ITGA7: variants seen among roughly 807,000 people sequenced by gnomAD.
ITGA7 encodes the protein integrin subunit alpha 7.
Under a neutral mutation model 131.6 loss-of-function variants are expected in ITGA7, and 84 were observed. The ratio of observed to expected loss-of-function variants is 0.64; its 90% confidence interval spans 0.54 to 0.77. The LOEUF is 0.77. Among genes scored for constraint, ITGA7 ranks in the 30% least tolerant of loss-of-function variants. The probability of loss-of-function intolerance (pLI) is 0.00; values close to 1 mark genes in which losing one functional copy is unlikely to be tolerated. For synonymous variants in ITGA7, 548 were observed against 600.7 expected, an observed-to-expected ratio of 0.91 and a Z score of 1.28; for missense variants, 1,399 against 1,482.9, an observed-to-expected ratio of 0.94 and a Z score of 0.93.
upstream of ITGA7, chr12:55,712,352 CT>C: frequency 1.1e-6 from 1 of 930,414 alleles, no homozygotes. Context: ...CACCAACCCC[CT>C]CTCTTGAAGC....
At chr12:55,702,824 C>T in intron 3 of ITGA7, 48 bp downstream of exon 3, 1 of 1,512,160 alleles carries the variant, frequency 6.6e-7, no homozygotes, top group Non-Finnish European at 9.2e-7. Flanking sequence ...TAAACACACA[C>T]ACACACACAC....
Position 55,693,079 on chromosome 12 carries a change from C to A in ITGA7, c.2712+62G>T, listed in dbSNP as rs564381002. Reference sequence around the variant, plus strand: ...TCCTCCTGCCCCATCACTGCACTCACTACCCTTACTCCCCATAACATCTGT... The same window carrying A: ...TCCTCCTGCCCCATCACTGCACTCAATACCCTTACTCCCCATAACATCTGT... On this transcript the variant is annotated intron_variant, in intron 20 of 24. Coordinates refer to ENST00000257879, the MANE Select transcript of ITGA7 (RefSeq NM_002206.3). 24 of 1,610,924 alleles carry A rather than the reference C, an allele frequency of 1.5e-5. No homozygotes were observed. In the African/African-American group the frequency reaches 2.9e-4, roughly 20 times the overall value.
intron 14 of ITGA7, 89 bp downstream of exon 14, chr12:55,695,433 T>A: frequency 1.1e-6 from 1 of 937,934 alleles, no homozygotes; most frequent in Non-Finnish European, 1.7e-6. Context: ...GGCTCAGCCC[T>A]TCCCTCTGAC....
At chr12:55,707,984 G>T, upstream of ITGA7, 1 of 1,280,258 alleles carries the variant, frequency 7.8e-7, no homozygotes, top group Non-Finnish European at 9.9e-7. Context: ...GGCAGGTGGA[G>T]ACCCAAGCCC....
At chr12:55,689,009 G>T in intron 21 of ITGA7, 52 bp from the exon 22 acceptor site, 2 of 1,371,816 alleles carry the variant, frequency 1.5e-6, no homozygotes, top group Non-Finnish European at 2.1e-6. Flanking sequence ...ACCCTGCTGA[G>T]ACTGCCATCT....
Position 55,700,908 on chromosome 12 carries a change from T to G in ITGA7, c.661A>C (p.Asn221His). Residue 221 changes from asparagine to histidine, a missense_variant, in exon 4 of 25, where the codon AAT (asparagine) becomes CAT (histidine). Transcript: ENST00000257879. ...CCGAGGAGTGACTCACCCTTCCAAT[T>G]ATAGGTTCCTGGGGCCCCAAAGAGG... ...YLLFGAPGTY[N>H]WKGLLFVTNI... 6.2e-7 allele frequency: 1 copy of G among 1,613,976 alleles called. No individual in the cohort carries two copies. The highest frequency in any genetic ancestry group is 1.1e-5 in the South Asian group (1 of 91,082).
chr12:55,688,767 A>G, intron 22 of ITGA7, 77 bp downstream of exon 22: 1 of 1,054,632 alleles, frequency 9.5e-7, no homozygotes, highest in East Asian at 2.4e-5. Context: ...GACAGTGAGG[A>G]AGGAGGAGGA....
chr12:55,712,176 G>A, upstream of ITGA7: 2 of 1,551,348 alleles, frequency 1.3e-6, no homozygotes, highest in South Asian at 1.2e-5. Flanking sequence ...GGAATTCAGT[G>A]GGGAAACAGC....
At position 55,696,391 on chromosome 12, in the gene ITGA7, C is replaced by T. The variant is rs1872631414; in HGVS notation, c.1779G>A (p.Leu593=). ...GCCGAGGGGTCTGGAGACTGTAGGA[C>T]AAGGTCACTACAATGGCCCGAAGCT... ...KDKLRAIVVT[L]SYSLQTPRLR... Residue 593 remains leucine, a synonymous_variant, in exon 13 of 25, where the codon TTG becomes TTA. Coordinates refer to ENST00000257879, the MANE Select transcript of ITGA7 (RefSeq NM_002206.3). 6.2e-7 allele frequency: 1 copy of T among 1,600,580 alleles called. No individual in the cohort carries two copies. The highest frequency in any genetic ancestry group is 1.3e-5 in the African/African-American group (1 of 74,898).
At chr12:55,693,366 T>TC in intron 19 of ITGA7, 49 bp from the exon 20 acceptor site, 1 of 1,521,250 alleles carries the variant, frequency 6.6e-7, no homozygotes, top group Non-Finnish European at 9.0e-7. Flanking sequence ...TTTTCTTTTT[T>TC]TTTTTTTTTT....
rs1267541671 is a variant in ITGA7, at chr12:55,684,741, G to C, written c.*317C>G. ...GCACTTCCGGGGAGGCAGGTCCTTG[G>C]GGTCCTGTTACACAGGGTGAATGGG... On this transcript the variant is annotated 3_prime_UTR_variant, in exon 25 of 25. Coordinates refer to ENST00000257879, the MANE Select transcript of ITGA7 (RefSeq NM_002206.3). 2 of 348,500 alleles carry C rather than the reference G, an allele frequency of 5.7e-6. No individual in the cohort carries two copies. The highest frequency in any genetic ancestry group is 1.0e-5 in the Non-Finnish European group (2 of 191,884). 21.6% of individuals were successfully genotyped at this position (348,500 alleles called of 1,614,324 possible). A position where few individuals can be genotyped will look rare whatever the true frequency, so the allele number is the denominator to read the frequency against.
chr12:55,698,472 ATCCCAGCCCAGTG>A lies in ITGA7; in HGVS notation c.1090_1102del (p.His364SerfsTer138), dbSNP rs1873153845. ...GGAGCCGCAGAGCCGGAGAGGGGAG[ATCCCAGCCCAGTG>A]ACCCCCCTGGTTCAAGTACACATAC... On this transcript the variant is annotated frameshift_variant, in exon 7 of 25. Coordinates refer to ENST00000257879, the MANE Select transcript of ITGA7 (RefSeq NM_002206.3). LOFTEE classifies it high-confidence loss of function. 1 of 1,613,538 alleles carries A rather than the reference ATCCCAGCCCAGTG, an allele frequency of 6.2e-7. No homozygotes were observed. Among genetic ancestry groups the A allele is most frequent in the Admixed American group, 1.7e-5 (1 of 59,970 alleles).
upstream of ITGA7, among the ~76,000 whole-genome samples, chr12:55,708,918 G>T (rs60169753): frequency 0.1 from 15,779 of 152,170 alleles, 1,439 homozygotes; most frequent in African/African-American, 0.24. Flanking sequence ...TGGGACAGAG[G>T]CAAGGGGGTG....
chr12:55,694,638 TC>T lies in ITGA7; in HGVS notation c.2253del (p.Asn752ThrfsTer3). The part of the protein sequence containing the change: ...ENASHVECEL[G>X]NPMKRGAQVT... ...ACCTGGGCACCTCTCTTCATGGGGT[TC>T]CCCAGCTCACACTCAACATGGGAGG... On this transcript the variant is annotated frameshift_variant, in exon 16 of 25. Coordinates refer to ENST00000257879, the MANE Select transcript of ITGA7 (RefSeq NM_002206.3). LOFTEE classifies it high-confidence loss of function. The surrounding 1 kb of genome is among the most constrained non-coding windows in gnomAD (Gnocchi z 5.3). The T allele has an allele frequency of 1.2e-6, 2 of 1,613,962 alleles. No individual in the cohort carries two copies. Among genetic ancestry groups the T allele is most frequent in the Non-Finnish European group, 1.7e-6 (2 of 1,179,952 alleles).
upstream of ITGA7, chr12:55,715,895 G>GA: frequency 9.5e-6 from 9 of 943,734 alleles, no homozygotes; most frequent in Non-Finnish European, 1.3e-5. Flanking sequence ...ATAAGTATTA[G>GA]AAAATACTTC....
rs1306565102 is a variant in ITGA7 at position 55,695,045 on chromosome 12, C to A, written c.2004-75G>T. On this transcript the variant is annotated intron_variant, in intron 14 of 24. Coordinates refer to ENST00000257879, the MANE Select transcript of ITGA7 (RefSeq NM_002206.3). ...CATTCCCCCGCCCAGTCTGCTCCCC[C>A]AGTACCTGCCTTCACTCCCTGAGCC... The A allele has an allele frequency of 4.2e-6, 6 of 1,424,962 alleles. No homozygotes were observed. The East Asian group carries it at 1.4e-4, about 34-fold the overall frequency. The allele number at this position is 1,424,962 out of a possible 1,614,324, so 88.3% of individuals were successfully genotyped here.
intron 7 of ITGA7, 127 bp from the exon 8 acceptor site, chr12:55,698,153 C>T: frequency 1.0e-6 from 1 of 954,154 alleles, no homozygotes; most frequent in Non-Finnish European, 1.7e-6. Flanking sequence ...ATCCCAGGCA[C>T]TCTACATACA....
At chr12:55,695,423 G>T in intron 14 of ITGA7, 99 bp downstream of exon 14, 1 of 876,164 alleles carries the variant, frequency 1.1e-6, no homozygotes, top group South Asian at 1.5e-5. Context: ...CTTTTCTGCA[G>T]GCTCAGCCCT....
intron 5 of ITGA7, chr12:55,699,620 T>C (rs139317736): frequency 3.1e-5 from 17 of 553,942 alleles, no homozygotes; most frequent in African/African-American, 2.3e-4. Context: ...CCTGGCCCTC[T>C]CATTCCACCT....
Sources: allele counts gnomAD v4.1 joint callset (sites outside exome capture counted in the v4.1 genomes callset), GRCh38; gene constraint gnomAD v4.1.1; non-coding constraint Gnocchi (gnomAD v3.1); transcripts MANE v1.5; gene names NCBI Gene and HGNC (gene_info 2026-07-23, HGNC 2026-07-21).